The following CCDC171 variants were observed in gnomAD, a reference collection of about 807,000 sequenced individuals.
CCDC171 encodes coiled-coil domain-containing protein 171.
Under a neutral mutation model 168.2 loss-of-function variants are expected in CCDC171, and 177 were observed. The observed-to-expected ratio is 1.05, with a 90% CI of 0.93 to 1.19. The LOEUF is 1.19. Among genes scored for constraint, CCDC171 ranks in the 50% most tolerant of loss-of-function variants. The probability of loss-of-function intolerance (pLI) is 0.00; values close to 1 mark genes in which losing one functional copy is unlikely to be tolerated. For synonymous variants in CCDC171, 687 were observed against 540.8 expected, an observed-to-expected ratio of 1.27 and a Z score of -3.75; for missense variants, 1,991 against 1,539.0, an observed-to-expected ratio of 1.29 and a Z score of -4.91.
chr9:15,603,369 G>A (rs1770744934), intron 6 of CCDC171, among the ~76,000 whole-genome samples: 3 of 152,132 alleles, frequency 2.0e-5, no homozygotes, highest in African/African-American at 7.2e-5. Context: ...ATTAAGCTCA[G>A]CTTGCATAGC....
intron 2 of CCDC171, among the ~76,000 whole-genome samples, chr9:15,564,685 G>T (rs2039585291): frequency 6.6e-6 from 1 of 152,180 alleles, no homozygotes; most frequent in Non-Finnish European, 1.5e-5. Flanking sequence ...ATTCACCTTT[G>T]GTGGGTGGAG....
At chr9:16,044,383 G>A (rs910989371) in intron 1 of CCDC171, among the ~76,000 whole-genome samples, 2 of 151,944 alleles carry the variant, frequency 1.3e-5, no homozygotes, top group African/African-American at 4.8e-5. Context: ...TGGGTTGTTT[G>A]ATATACTAGG....
Position 15,564,755 on chromosome 9 carries a change from A to G in CCDC171, c.41+626A>G, listed in dbSNP as rs1042414182. On this transcript the variant is annotated intron_variant, in intron 2 of 25. Transcript: ENST00000380701. The stretch of plus-strand genomic sequence containing the variant: ...CCACTCTCTCCTAAGTGTGCTTTAC[A>G]AAGAAATAAGTACTGAAATTAAAAG... Among the ~76,000 whole-genome samples, 3 of 152,246 alleles carry G rather than the reference A, an allele frequency of 2.0e-5. No individual in the cohort carries two copies. The East Asian group carries it at 5.8e-4, about 29-fold the overall frequency.
Position 15,858,828 on chromosome 9 carries a change from A to G in CCDC171, c.3468+9881A>G, listed in dbSNP as rs548771962. 1.1e-4 allele frequency among the ~76,000 whole-genome samples: 17 copies of G among 152,178 alleles called. No individual in the cohort carries two copies. In the South Asian group the frequency reaches 3.5e-3, roughly 31 times the overall value. On this transcript the variant is annotated intron_variant, in intron 23 of 25. Coordinates refer to ENST00000380701, the MANE Select transcript of CCDC171 (RefSeq NM_173550.4). ...CTATGTAGAAGATCACGTCATCTGTAATCAGGGACAGTTTTACTTCTTCCT... is the reference window on the plus strand; with the variant it reads ...CTATGTAGAAGATCACGTCATCTGTGATCAGGGACAGTTTTACTTCTTCCT...
chr9:15,805,790 C>T (rs2059044722), intron 21 of CCDC171, among the ~76,000 whole-genome samples: 1 of 152,036 alleles, frequency 6.6e-6, no homozygotes, highest in Non-Finnish European at 1.5e-5. Context: ...AAGTTCAGGT[C>T]CTGAATATCC....
rs779748478 is a variant in CCDC171 at position 15,971,623 on chromosome 9, C to G, written c.3768C>G (p.Asp1256Glu). 2 of 1,612,154 alleles carry G rather than the reference C, an allele frequency of 1.2e-6. No individual in the cohort carries two copies. Among genetic ancestry groups the G allele is most frequent in the Non-Finnish European group, 1.7e-6 (2 of 1,178,810 alleles). Residue 1256 changes from aspartate (D) to glutamate (E), a missense_variant, in exon 26 of 26, where the codon GAC becomes GAG. Asp to Glu is a conservative substitution (Grantham distance 45, BLOSUM62 2). Transcript: ENST00000380701. Reference sequence around the variant, plus strand: ...GTATGTCACAGATAGGATCACGAGACCATTCAAATCTCTCCATTCCTTCAA... The same window carrying G: ...GTATGTCACAGATAGGATCACGAGAGCATTCAAATCTCTCCATTCCTTCAA... ...NASLQSIGSR[D>E]HSNLSIPSRA...
the CCDC171 span, among the ~76,000 whole-genome samples, chr9:16,096,532 G>T: frequency 6.6e-6 from 1 of 152,200 alleles, no homozygotes; most frequent in Non-Finnish European, 1.5e-5. Flanking sequence ...GCTTTATCCT[G>T]CCGTGTGTCC....
chr9:15,558,053 T>C (rs1489253356), intron 1 of CCDC171, among the ~76,000 whole-genome samples: 2 of 152,164 alleles, frequency 1.3e-5, no homozygotes, highest in Non-Finnish European at 2.9e-5. Flanking sequence ...TTGATTTGCG[T>C]ATGTTGAACC....
intron 15 of CCDC171, among the ~76,000 whole-genome samples, chr9:15,728,419 T>C (rs1386627904): frequency 6.6e-6 from 1 of 152,222 alleles, no homozygotes; most frequent in Non-Finnish European, 1.5e-5. Context: ...GATATAGTTA[T>C]TCAAAAACAT....
chr9:15,601,399 T>C (rs1275879865), intron 6 of CCDC171, among the ~76,000 whole-genome samples: 1 of 152,208 alleles, frequency 6.6e-6, no homozygotes, highest in Non-Finnish European at 1.5e-5. Flanking sequence ...CTTCAGTCTT[T>C]GTGCAGTGCT....
intron 7 of CCDC171, among the ~76,000 whole-genome samples, chr9:15,633,792 A>G (rs2045962566): frequency 1.3e-5 from 2 of 152,244 alleles, no homozygotes; most frequent in East Asian, 3.8e-4. Context: ...CAACAATGAT[A>G]GACTGGATTA....
At position 15,912,474 on chromosome 9, in the gene CCDC171, T is replaced by C. The variant is rs146645332; in HGVS notation, c.3601-7796T>C. ...CTGAGACGATGGGGTTTTTTTAATA[T>C]ACAGTCATGTCATCTGCAAACAGAG... On this transcript the variant is annotated intron_variant, in intron 24 of 25. Coordinates refer to ENST00000380701, the MANE Select transcript of CCDC171 (RefSeq NM_173550.4). 6.6e-3 allele frequency among the ~76,000 whole-genome samples: 1,008 copies of C among 152,314 alleles called. 17 individuals are homozygous for C. Among genetic ancestry groups the C allele is most frequent in the African/African-American group, 0.023 (953 of 41,564 alleles).
chr9:15,631,248 A>G (rs435492), intron 7 of CCDC171, among the ~76,000 whole-genome samples: 81,700 of 150,802 alleles, frequency 0.54, 22,426 homozygotes, highest in East Asian at 0.77. Flanking sequence ...TTTTTTGAAA[A>G]GATCAACAAA....
At position 15,852,870 on chromosome 9, in the gene CCDC171, T is replaced by C. The variant is rs939313536; in HGVS notation, c.3468+3923T>C. Among the ~76,000 whole-genome samples the C allele has an allele frequency of 2.0e-5, 3 of 151,660 alleles. No individual in the cohort carries two copies. In the Admixed American group the frequency reaches 2.0e-4, roughly 10 times the overall value. ...TTGAATGATCATGTTGAATCATTCA[T>C]ACTCCTGTTGAAAATCAGTTGACTA... is the stretch of plus-strand genomic sequence containing the variant. On this transcript the variant is annotated intron_variant, in intron 23 of 25. Transcript: ENST00000380701.
At chr9:15,601,369 A>G (rs997462200) in intron 6 of CCDC171, among the ~76,000 whole-genome samples, 1 of 152,160 alleles carries the variant, frequency 6.6e-6, no homozygotes, top group African/African-American at 2.4e-5. Flanking sequence ...AATACCAATG[A>G]AACCACAGCT....
At chr9:15,584,055 G>A (rs181945913) in intron 4 of CCDC171, among the ~76,000 whole-genome samples, 5 of 152,234 alleles carry the variant, frequency 3.3e-5, no homozygotes, top group East Asian at 1.9e-4. Flanking sequence ...TTTTAGTAGA[G>A]ACGGGGTTTC....
intron 3 of CCDC171, among the ~76,000 whole-genome samples, chr9:16,014,923 A>G (rs1454792418): frequency 1.3e-5 from 2 of 152,132 alleles, no homozygotes; most frequent in African/African-American, 4.8e-5. Flanking sequence ...ATTGGCTTCA[A>G]GTTAAAGTCA....
At chr9:16,055,087 G>A (rs1005398276) in intron 1 of CCDC171, among the ~76,000 whole-genome samples, 1 of 152,198 alleles carries the variant, frequency 6.6e-6, no homozygotes, top group Admixed American at 6.5e-5. Flanking sequence ...AATGATGGAT[G>A]AGGCATTAGA....
chr9:15,570,379 A>G (rs1398636759), intron 2 of CCDC171, among the ~76,000 whole-genome samples: 1 of 151,236 alleles, frequency 6.6e-6, no homozygotes, highest in Non-Finnish European at 1.5e-5. Flanking sequence ...TTAGTAGACA[A>G]TGTTAGTTTT....
Sources: allele counts gnomAD v4.1 joint callset (sites outside exome capture counted in the v4.1 genomes callset), GRCh38; gene constraint gnomAD v4.1.1; transcripts MANE v1.5; gene names NCBI Gene and HGNC (gene_info 2026-07-23, HGNC 2026-07-21).